Variants in MYO15B observed in about 807,000 individuals in gnomAD.
The protein encoded by MYO15B is myosin XVB, also known as myosin XVB pseudogene.
MYO15B carries 207 observed loss-of-function variants against 119.3 expected under a neutral mutation model. The ratio of observed to expected loss-of-function variants is 1.73; its 90% confidence interval spans 1.55 to 1.95. MYO15B has a LOEUF of 1.95. MYO15B is among the 30% of genes most tolerant of loss of function. MYO15B has a pLI of 0.00. For missense variants in MYO15B, 2,264 were observed against 1,203.1 expected (o/e 1.88, Z -13.04); for synonymous variants, 966 against 498.9 (o/e 1.94, Z -12.48).
chr17:75,595,399 C>T (rs549687007), intron 12 of MYO15B, among the ~76,000 whole-genome samples: 128 of 152,284 alleles, frequency 8.4e-4, no homozygotes, highest in African/African-American at 2.9e-3. Context: ...AGCCCTGGCC[C>T]GTGCTGTCCT....
intron 53 of MYO15B, 118 bp downstream of exon 53, chr17:75,622,198 C>A: frequency 1.5e-6 from 1 of 652,166 alleles, no homozygotes; most frequent in Non-Finnish European, 2.8e-6. Context: ...TACTGAGCAC[C>A]CATTGCGTGC....
exon 61 of MYO15B, chr17:75,625,621 G>A: frequency 1.4e-6 from 1 of 703,040 alleles, no homozygotes; most frequent in Non-Finnish European, 2.6e-6. Context: ...GAGACGGCTG[G>A]AAGGACACAG....
intron 11 of MYO15B, 37 bp downstream of exon 11, chr17:75,594,796 C>T (rs1331656511): frequency 4.3e-6 from 3 of 702,758 alleles, no homozygotes; most frequent in East Asian, 2.7e-5. Context: ...GAGCAGGGCC[C>T]GAGGCACGGC....
chr17:75,610,850 C>T, intron 22 of MYO15B, 50 bp from the exon 23 acceptor site: 1 of 702,764 alleles, frequency 1.4e-6, no homozygotes, highest in Non-Finnish European at 2.6e-6. Flanking sequence ...GAGGTGCCCC[C>T]AGGTGACTCA....
exon 15 of MYO15B, chr17:75,601,499 C>T: frequency 8.5e-6 from 6 of 703,146 alleles, no homozygotes; most frequent in Non-Finnish European, 1.6e-5. Context: ...CCCAGCTATG[C>T]CAAGCCCCGG....
At chr17:75,594,652 A>G (rs2056731257) in intron 10 of MYO15B, 49 bp from the exon 11 acceptor site, 2 of 701,034 alleles carry the variant, frequency 2.9e-6, no homozygotes, top group Non-Finnish European at 5.2e-6. Context: ...AGTAAGCACC[A>G]TGAGGGCTGC....
exon 38 of MYO15B, chr17:75,616,394 G>A (rs1327564121): frequency 6.4e-6 from 4 of 621,928 alleles, no homozygotes; most frequent in Non-Finnish European, 1.1e-5. Flanking sequence ...AGGAGGAGGA[G>A]GAGGAGGAGG....
At chr17:75,597,378 G>A (rs1015863776) in intron 14 of MYO15B, among the ~76,000 whole-genome samples, 5 of 152,184 alleles carry the variant, frequency 3.3e-5, no homozygotes, top group African/African-American at 7.2e-5. Flanking sequence ...CCTGTTTCCC[G>A]TTTCAGCGCG....
chr17:75,589,656 T>TC lies in MYO15B; in HGVS notation c.1600dup (p.Gln534ProfsTer30). The TC allele has an allele frequency of 5.0e-6, 2 of 398,870 alleles. No individual in the cohort carries two copies. The highest frequency in any genetic ancestry group is 7.1e-5 in the East Asian group (2 of 28,052). The allele number at this position is 398,870 out of a possible 1,614,324, so 24.7% of individuals were successfully genotyped here. A position where few individuals can be genotyped will look rare whatever the true frequency, so the allele number is the denominator to read the frequency against. ...GCCCAGTCCCCGGCGACCCTTTTGA[T>TC]CAGGAGGACGAGACTCCAGATCCCA... On this transcript the variant is annotated frameshift_variant, in exon 1 of 64. Transcript: ENST00000645453. LOFTEE classifies it high-confidence loss of function. This position sits in a 1 kb window ranked among gnomAD's most constrained non-coding sequence, Gnocchi z 4.2.
exon 22 of MYO15B, chr17:75,610,180 G>A (rs767641206): frequency 7.1e-5 from 50 of 700,638 alleles, no homozygotes; most frequent in African/African-American, 5.4e-4. Flanking sequence ...CGGTACCTCC[G>A]GCGGCGGGCA....
chr17:75,601,537 C>T, exon 15 of MYO15B: 1 of 703,180 alleles, frequency 1.4e-6, no homozygotes, highest in Non-Finnish European at 2.6e-6. Context: ...CACCGTGCGA[C>T]ATTATGCAGG....
exon 1 of MYO15B, chr17:75,588,953 C>G: frequency 2.5e-6 from 1 of 398,210 alleles, no homozygotes; most frequent in Non-Finnish European, 4.4e-6. Context: ...ACGGCCCGGG[C>G]TCCGCGCCAC....
chr17:75,600,008 A>G (rs1434565412), intron 14 of MYO15B, among the ~76,000 whole-genome samples: 1 of 147,182 alleles, frequency 6.8e-6, no homozygotes, highest in Non-Finnish European at 1.5e-5. Flanking sequence ...CCTCATCTCT[A>G]TTTCTTTTTT....
intron 12 of MYO15B, 181 bp downstream of exon 12, chr17:75,595,153 A>T: frequency 1.6e-6 from 1 of 607,398 alleles, no homozygotes; most frequent in South Asian, 2.0e-5. Flanking sequence ...GGGTGCAGGG[A>T]TGGAGAGGTA....
At chr17:75,613,602 C>T in intron 28 of MYO15B, 103 bp from the exon 29 acceptor site, 2 of 656,572 alleles carry the variant, frequency 3.0e-6, no homozygotes, top group South Asian at 3.3e-5. Flanking sequence ...ATCCCCCTCC[C>T]CTCTGTCCTG....
intron 22 of MYO15B, chr17:75,610,550 CTT>C: frequency 2.0e-6 from 1 of 497,280 alleles, no homozygotes; most frequent in Non-Finnish European, 3.6e-6. Flanking sequence ...CCGCTCCCCT[CTT>C]TTGCATGATG....
chr17:75,620,727 G>A (rs560969296), intron 49 of MYO15B, 91 bp downstream of exon 49: 10 of 692,828 alleles, frequency 1.4e-5, no homozygotes, highest in East Asian at 5.4e-5. Flanking sequence ...GCTGCCATGC[G>A]GTGGGACCAC....
chr17:75,609,537 C>G (rs574197404), intron 21 of MYO15B, among the ~76,000 whole-genome samples: 2 of 116,378 alleles, frequency 1.7e-5, no homozygotes, highest in Non-Finnish European at 3.3e-5. Context: ...GGGAACTGAT[C>G]TGAACCCAGG....
At chr17:75,626,132 C>T (rs1251570897) in exon 63 of MYO15B, 2 of 703,098 alleles carry the variant, frequency 2.8e-6, no homozygotes, top group Admixed American at 2.0e-5. Context: ...AGCGGCTCCA[C>T]CTGCTAAGCC....
Sources: gnomAD v4.1 joint callset for allele counts (sites outside exome capture counted in the v4.1 genomes callset) on GRCh38, gnomAD v4.1.1 for gene constraint, Gnocchi (gnomAD v3.1) non-coding constraint, MANE v1.5 for transcripts, NCBI Gene and HGNC (gene_info 2026-07-23, HGNC 2026-07-21) for gene names.